The following PPP2R2B variants were observed in gnomAD, a reference collection of about 807,000 sequenced individuals.
PPP2R2B encodes serine/threonine-protein phosphatase 2A 55 kDa regulatory subunit B beta isoform.
Under a neutral mutation model 46.0 loss-of-function variants are expected in PPP2R2B, and 5 were observed. That is an observed-to-expected ratio of 0.11 (90% CI 0.06 to 0.23). The LOEUF is 0.23. Ranked by LOEUF, PPP2R2B falls within the 10% of genes least tolerant of loss-of-function variation. PPP2R2B has a pLI of 1.00. For synonymous variants in PPP2R2B, 215 were observed against 206.7 expected, an observed-to-expected ratio of 1.04 and a Z score of -0.34; for missense variants, 367 against 575.0, an observed-to-expected ratio of 0.64 and a Z score of 3.70.
intron 2 of PPP2R2B, among the ~76,000 whole-genome samples, chr5:146,713,955 A>C (rs138143523): frequency 7.6e-4 from 116 of 152,200 alleles, no homozygotes; most frequent in African/African-American, 2.6e-3. Context: ...TAAATTTGGG[A>C]GTTATTAGCA....
At chr5:147,071,883 A>G (rs1177592211) in intron 2 of PPP2R2B, among the ~76,000 whole-genome samples, 3 of 152,192 alleles carry the variant, frequency 2.0e-5, no homozygotes, top group African/African-American at 7.2e-5. Context: ...TGCAGAAGAG[A>G]TCATTCTTTT....
intron 2 of PPP2R2B, among the ~76,000 whole-genome samples, chr5:146,704,814 T>C (rs905043345): frequency 3.3e-5 from 5 of 152,190 alleles, no homozygotes; most frequent in Admixed American, 6.5e-5. Flanking sequence ...ACCTGAATAA[T>C]AGATATTGAC....
At chr5:146,679,999 G>T (rs1261551359) in intron 5 of PPP2R2B, among the ~76,000 whole-genome samples, 1 of 144,112 alleles carries the variant, frequency 6.9e-6, no homozygotes, top group Non-Finnish European at 1.5e-5. Context: ...ATTCCTCAGG[G>T]ATCTAGAACT....
chr5:146,652,551 A>G (rs988457421), intron 5 of PPP2R2B, among the ~76,000 whole-genome samples: 3 of 152,162 alleles, frequency 2.0e-5, no homozygotes, highest in African/African-American at 7.2e-5. Flanking sequence ...TTCCCTGAGA[A>G]TGTATGTATT....
At chr5:146,617,852 G>A (rs752347789) in intron 7 of PPP2R2B, among the ~76,000 whole-genome samples, 1 of 151,924 alleles carries the variant, frequency 6.6e-6, no homozygotes, top group South Asian at 2.1e-4. Flanking sequence ...GTGCCACCAC[G>A]CCCAGCTAAT....
chr5:146,685,381 C>A (rs964052291), intron 5 of PPP2R2B, among the ~76,000 whole-genome samples: 1 of 152,242 alleles, frequency 6.6e-6, no homozygotes, highest in South Asian at 2.1e-4. Flanking sequence ...GGACATCAAA[C>A]AACTGCGCCC....
intron 2 of PPP2R2B, among the ~76,000 whole-genome samples, chr5:146,740,954 T>A (rs1442121690): frequency 1.3e-5 from 2 of 151,864 alleles, no homozygotes; most frequent in African/African-American, 4.8e-5. Flanking sequence ...GGAGAATCAC[T>A]TGAACCCGGG....
chr5:146,668,678 G>A (rs1173014749), intron 5 of PPP2R2B, among the ~76,000 whole-genome samples: 1 of 152,152 alleles, frequency 6.6e-6, no homozygotes, highest in Non-Finnish European at 1.5e-5. Flanking sequence ...CTTTGGCTGT[G>A]TTTCCACTTT....
intron 2 of PPP2R2B, among the ~76,000 whole-genome samples, chr5:146,798,331 C>T (rs1756666300): frequency 6.6e-6 from 1 of 152,148 alleles, no homozygotes; most frequent in Non-Finnish European, 1.5e-5. Flanking sequence ...ACTTCCTTAA[C>T]CTTCCCCTGA....
At chr5:147,061,163 A>T (rs1757246291) in intron 2 of PPP2R2B, among the ~76,000 whole-genome samples, 1 of 152,182 alleles carries the variant, frequency 6.6e-6, no homozygotes. Context: ...AGTAAATAAT[A>T]TATTAAGGTT....
intron 5 of PPP2R2B, among the ~76,000 whole-genome samples, chr5:146,672,853 T>C (rs1777458511): frequency 6.6e-6 from 1 of 152,246 alleles, no homozygotes; most frequent in Admixed American, 6.5e-5. Context: ...AAAATGACAT[T>C]CTATTCTAGA....
chr5:146,721,450 G>C (rs1780791358), intron 2 of PPP2R2B, among the ~76,000 whole-genome samples: 2 of 152,146 alleles, frequency 1.3e-5, no homozygotes, highest in African/African-American at 4.8e-5. Context: ...GAATCTTGAG[G>C]GGAGAAAGAG....
chr5:146,592,516 G>A (rs1035587448), intron 9 of PPP2R2B, among the ~76,000 whole-genome samples: 4 of 152,232 alleles, frequency 2.6e-5, no homozygotes, highest in Non-Finnish European at 1.5e-5. Context: ...TTGAGGGAAT[G>A]TGATAAATGA....
intron 1 of PPP2R2B, among the ~76,000 whole-genome samples, chr5:146,954,128 CTTT>C (rs3062371): frequency 1.2e-3 from 175 of 143,978 alleles, no homozygotes; most frequent in Non-Finnish European, 1.7e-3. Context: ...TACCAAGAGA[CTTT>C]TTTTTTTTTT....
At chr5:146,624,643 C>T (rs531391966) in intron 7 of PPP2R2B, among the ~76,000 whole-genome samples, 20 of 152,236 alleles carry the variant, frequency 1.3e-4, no homozygotes, top group Non-Finnish European at 2.8e-4. Context: ...CAATCATCCT[C>T]TTTACACCAA....
intron 1 of PPP2R2B, among the ~76,000 whole-genome samples, chr5:146,911,272 CG>C (rs1763172945): frequency 6.6e-6 from 1 of 152,028 alleles, no homozygotes; most frequent in Non-Finnish European, 1.5e-5. Flanking sequence ...TTAGTAGAGA[CG>C]GGGTTTCGCC....
At chr5:147,028,906 T>C (rs1755648928) in intron 1 of PPP2R2B, among the ~76,000 whole-genome samples, 1 of 152,230 alleles carries the variant, frequency 6.6e-6, no homozygotes, top group African/African-American at 2.4e-5. Context: ...GTGGCTTTAA[T>C]GTGCATTTCC....
intron 1 of PPP2R2B, among the ~76,000 whole-genome samples, chr5:147,045,984 A>G (rs943409866): frequency 6.6e-6 from 1 of 152,134 alleles, no homozygotes; most frequent in Non-Finnish European, 1.5e-5. Context: ...TCGTGTGCAT[A>G]ATAAAGCCTC....
At chr5:146,706,051 G>A (rs552695487) in intron 2 of PPP2R2B, among the ~76,000 whole-genome samples, 3 of 152,098 alleles carry the variant, frequency 2.0e-5, no homozygotes, top group Admixed American at 1.3e-4. Flanking sequence ...AGGGGCGGGG[G>A]TCCCCAGGCA....
Sources: allele counts gnomAD v4.1 joint callset (sites outside exome capture counted in the v4.1 genomes callset), GRCh38; gene constraint gnomAD v4.1.1; transcripts MANE v1.5; gene names NCBI Gene and HGNC (gene_info 2026-07-23, HGNC 2026-07-21).